Variants in TMEM260 observed in about 807,000 individuals in gnomAD.
TMEM260 encodes the protein protein O-mannosyl-transferase TMEM260.
A neutral mutation model predicts 88.9 loss-of-function variants in TMEM260; 82 were observed. The ratio of observed to expected loss-of-function variants is 0.92; its 90% CI spans 0.77 to 1.11. The LOEUF (loss-of-function observed/expected upper bound fraction) is 1.11. Among genes scored for constraint, TMEM260 ranks in the 50% least tolerant of loss-of-function variants. The pLI, the probability that TMEM260 is intolerant of heterozygous loss-of-function variation, is 0.00. For missense variants in TMEM260, 902 were observed against 853.4 expected, an observed-to-expected ratio of 1.06 and a Z score of -0.71; for synonymous variants, 314 against 309.3, an observed-to-expected ratio of 1.02 and a Z score of -0.16.
intron 12 of TMEM260, among the ~76,000 whole-genome samples, chr14:56,626,217 C>T (rs985151879): frequency 1.3e-5 from 2 of 152,144 alleles, no homozygotes; most frequent in African/African-American, 2.4e-5. Context: ...TAAATTATCC[C>T]TTGCTAAGAA....
At chr14:56,624,069 G>A (rs996242498) in intron 11 of TMEM260, among the ~76,000 whole-genome samples, 10 of 152,030 alleles carry the variant, frequency 6.6e-5, no homozygotes, top group African/African-American at 2.2e-4. Context: ...AATTAATATA[G>A]GGCTACTAAT....
chr14:56,606,704 C>T (rs939666087), intron 5 of TMEM260, among the ~76,000 whole-genome samples: 14 of 152,018 alleles, frequency 9.2e-5, no homozygotes, highest in Non-Finnish European at 7.4e-5. Flanking sequence ...CCAGCCTGGG[C>T]AACACGGTGA....
At chr14:56,584,306 T>C (rs1290727496) in intron 1 of TMEM260, among the ~76,000 whole-genome samples, 1 of 152,108 alleles carries the variant, frequency 6.6e-6, no homozygotes. Context: ...TGTACAGGGA[T>C]GAGTCAGAAA....
chr14:56,610,066 A>C (rs1887158164), intron 6 of TMEM260, among the ~76,000 whole-genome samples: 1 of 152,192 alleles, frequency 6.6e-6, no homozygotes, highest in Non-Finnish European at 1.5e-5. Context: ...TCAAGGGTAC[A>C]TACAAAAGTA....
intron 6 of TMEM260, among the ~76,000 whole-genome samples, chr14:56,611,762 A>G (rs568530987): frequency 6.6e-6 from 1 of 152,328 alleles, no homozygotes; most frequent in East Asian, 1.9e-4. Context: ...AACACTATTC[A>G]CAATAGAAAA....
chr14:56,643,492 T>C (rs1426687045), intron 15 of TMEM260, among the ~76,000 whole-genome samples: 1 of 151,958 alleles, frequency 6.6e-6, no homozygotes, highest in Non-Finnish European at 1.5e-5. Flanking sequence ...ATAAATTAGG[T>C]ATTGATGGGA....
chr14:56,655,113 C>T (rs1276400910), downstream of TMEM260, among the ~76,000 whole-genome samples: 4 of 151,998 alleles, frequency 2.6e-5, no homozygotes, highest in Non-Finnish European at 4.4e-5. Flanking sequence ...TTGGCCCTGC[C>T]GGGCGTGGTG....
chr14:56,598,007 T>G (rs1294688698), intron 3 of TMEM260, among the ~76,000 whole-genome samples: 1 of 152,120 alleles, frequency 6.6e-6, no homozygotes, highest in Non-Finnish European at 1.5e-5. Context: ...TGTACTGGCA[T>G]TGGGGTGTAC....
At chr14:56,635,975 T>C (rs536016130) in intron 14 of TMEM260, among the ~76,000 whole-genome samples, 1 of 152,096 alleles carries the variant, frequency 6.6e-6, no homozygotes, top group African/African-American at 2.4e-5. Flanking sequence ...ATATACCATA[T>C]GTTTGCATAA....
At chr14:56,652,436 T>G (rs1890222821), downstream of TMEM260, among the ~76,000 whole-genome samples, 1 of 148,146 alleles carries the variant, frequency 6.8e-6, no homozygotes, top group Admixed American at 6.8e-5. Context: ...AGGTGGAGGT[T>G]GAGGTGAGCT....
intron 11 of TMEM260, among the ~76,000 whole-genome samples, chr14:56,623,982 G>T (rs749962563): frequency 3.4e-4 from 51 of 152,080 alleles, no homozygotes; most frequent in Non-Finnish European, 6.6e-4. Flanking sequence ...GTTAAGTATA[G>T]AATTAAGTAA....
At chr14:56,585,149 T>C in intron 2 of TMEM260, 117 bp downstream of exon 2, 1 of 914,012 alleles carries the variant, frequency 1.1e-6, no homozygotes, top group Non-Finnish European at 1.7e-6. Context: ...CCGTTTTTAG[T>C]AACTTATAAG....
At chr14:56,625,690 A>G (rs1274976703) in intron 12 of TMEM260, among the ~76,000 whole-genome samples, 160 bp downstream of exon 12, 1 of 152,232 alleles carries the variant, frequency 6.6e-6, no homozygotes, top group Non-Finnish European at 1.5e-5. Flanking sequence ...CTGTGCATAA[A>G]TGAGGCCAGG....
intron 5 of TMEM260, among the ~76,000 whole-genome samples, chr14:56,605,976 G>A (rs957324196): frequency 3.3e-5 from 5 of 152,096 alleles, no homozygotes; most frequent in African/African-American, 9.7e-5. Flanking sequence ...CTTAATTATC[G>A]TTTTATACAT....
At chr14:56,655,181 G>C (rs1277758916), downstream of TMEM260, among the ~76,000 whole-genome samples, 1 of 152,100 alleles carries the variant, frequency 6.6e-6, no homozygotes, top group Non-Finnish European at 1.5e-5. Context: ...CATGAGATCA[G>C]GAGTTCGAGA....
intron 3 of TMEM260, among the ~76,000 whole-genome samples, chr14:56,590,275 A>G (rs1022361890): frequency 1.3e-5 from 2 of 152,214 alleles, no homozygotes; most frequent in Non-Finnish European, 1.5e-5. Context: ...AGCAGGGCAA[A>G]AACTCTTTTT....
At chr14:56,619,937 C>G (rs1229569672) in intron 10 of TMEM260, among the ~76,000 whole-genome samples, 1 of 152,164 alleles carries the variant, frequency 6.6e-6, no homozygotes, top group Non-Finnish European at 1.5e-5. Context: ...TCCATATACA[C>G]CATGGAACAC....
chr14:56,597,082 G>A (rs1886295593), intron 3 of TMEM260, among the ~76,000 whole-genome samples: 2 of 152,018 alleles, frequency 1.3e-5, no homozygotes. Context: ...ATATTTCAGG[G>A]AATACTTGCA....
chr14:56,644,972 A>G (rs916639521), intron 15 of TMEM260, among the ~76,000 whole-genome samples: 13 of 152,168 alleles, frequency 8.5e-5, no homozygotes, highest in Admixed American at 2.6e-4. Flanking sequence ...TAGAATGGCA[A>G]TCATTAAAAA....
Sources: allele counts gnomAD v4.1 joint callset (sites outside exome capture counted in the v4.1 genomes callset), GRCh38; gene constraint gnomAD v4.1.1; transcripts MANE v1.5; gene names NCBI Gene and HGNC (gene_info 2026-07-23, HGNC 2026-07-21).